The following STK38 variants were observed in gnomAD, a reference collection of about 807,000 sequenced individuals.
The protein encoded by STK38 is serine/threonine-protein kinase 38.
In STK38, 26 loss-of-function variants were observed where a neutral mutation model predicts 59.0. That is an observed-to-expected ratio of 0.44 (90% CI 0.32 to 0.61). The LOEUF (loss-of-function observed/expected upper bound fraction) is 0.61, where lower values mean the gene tolerates loss of function less well. Ranked by LOEUF, STK38 falls within the 20% of genes least tolerant of loss-of-function variation. The probability of loss-of-function intolerance (pLI) is 0.04; values close to 1 mark genes in which losing one functional copy is unlikely to be tolerated. For missense variants in STK38, 433 were observed against 566.0 expected (o/e 0.76, Z 2.38); for synonymous variants, 175 against 176.6 (o/e 0.99, Z 0.07).
chr6:36,527,455 A>C (rs890064382), intron 2 of STK38, among the ~76,000 whole-genome samples: 11 of 151,284 alleles, frequency 7.3e-5, no homozygotes, highest in African/African-American at 2.7e-4. Context: ...GGAGGGGCTG[A>C]GGCACAAGAA....
At chr6:36,543,192 G>T (rs1227714401) in intron 1 of STK38, among the ~76,000 whole-genome samples, 1 of 151,330 alleles carries the variant, frequency 6.6e-6, no homozygotes, top group African/African-American at 2.4e-5. Context: ...AGCCTCCCGA[G>T]TAGCTGGGAC....
intron 1 of STK38, among the ~76,000 whole-genome samples, chr6:36,540,986 C>T (rs940359844): frequency 1.3e-5 from 2 of 152,130 alleles, no homozygotes; most frequent in African/African-American, 4.8e-5. Flanking sequence ...GCAACCTACA[C>T]CTCCCAGGTT....
chr6:36,541,277 T>C (rs1582469388), intron 1 of STK38, among the ~76,000 whole-genome samples: 1 of 152,254 alleles, frequency 6.6e-6, no homozygotes, highest in East Asian at 1.9e-4. Context: ...CAATACCATA[T>C]AGATAAATTA....
chr6:36,515,398 AAT>A lies in STK38; in HGVS notation c.607_608del (p.Ile203SerfsTer27), dbSNP rs1349383153. ...IAETVLAIDSIHQLGFIHRDI... is the reference protein window; with the variant it reads ...IAETVLAIDSXHQLGFIHRDI... Reference sequence around the variant, plus strand: ...CTCTGTGGATGAATCCAAGTTGGTGAATAGAGTCTATGGCTAATACTGTTTCT... The same window carrying A: ...CTCTGTGGATGAATCCAAGTTGGTGAAGAGTCTATGGCTAATACTGTTTCT... On this transcript the variant is annotated frameshift_variant, in exon 7 of 14. Transcript: ENST00000229812. LOFTEE classifies it high-confidence loss of function. 6.2e-7 allele frequency: 1 copy of A among 1,613,944 alleles called. No individual in the cohort carries two copies. Among genetic ancestry groups the A allele is most frequent in the Non-Finnish European group, 8.5e-7 (1 of 1,180,010 alleles).
chr6:36,546,053 T>C (rs1467013518), intron 1 of STK38, among the ~76,000 whole-genome samples: 1 of 152,214 alleles, frequency 6.6e-6, no homozygotes, highest in African/African-American at 2.4e-5. Flanking sequence ...GATTCAACAT[T>C]GGAGCTAAGA....
rs777596187 is a variant in STK38, at chr6:36,524,446, T to C, written c.201A>G (p.Ser67=). ...LKDEEKRLRR[S]AHARKETEFL... is the part of the protein sequence containing the mutation. ...ACTCTGTTTCCTTCCGAGCATGTGC[T>C]GATCTCCGGAGTCGTTTCTAATATT... Residue 67 remains serine, a synonymous_variant, in exon 4 of 14, where the codon TCA becomes TCG. Coordinates refer to ENST00000229812, the MANE Select transcript of STK38 (RefSeq NM_007271.4). 9 of 1,604,604 alleles carry C rather than the reference T, an allele frequency of 5.6e-6. No homozygotes were observed. The highest frequency in any genetic ancestry group is 1.7e-4 in the Middle Eastern group (1 of 6,040).
chr6:36,509,865 G>A (rs368807500), intron 7 of STK38, among the ~76,000 whole-genome samples: 1 of 152,160 alleles, frequency 6.6e-6, no homozygotes, highest in African/African-American at 2.4e-5. Context: ...TAGCCCTTAG[G>A]AGACCCGGAG....
intron 2 of STK38, among the ~76,000 whole-genome samples, chr6:36,536,349 G>A (rs140191938): frequency 2.0e-5 from 3 of 152,102 alleles, no homozygotes; most frequent in East Asian, 1.9e-4. Flanking sequence ...ATGGAACATA[G>A]GAGAAAATCC....
intron 1 of STK38, among the ~76,000 whole-genome samples, chr6:36,540,955 G>C (rs964438525): frequency 2.6e-5 from 4 of 151,916 alleles, no homozygotes; most frequent in Non-Finnish European, 4.4e-5. Context: ...CTGGAGTGCA[G>C]TGGCGCGATC....
chr6:36,511,860 A>G (rs1213169798), intron 7 of STK38, among the ~76,000 whole-genome samples: 1 of 151,542 alleles, frequency 6.6e-6, no homozygotes, highest in East Asian at 2.0e-4. Context: ...GGAGTTCAAG[A>G]CCAGTCTGGC....
chr6:36,524,405 C>G lies in STK38; in HGVS notation c.242G>C (p.Arg81Thr). 1 of 1,613,558 alleles carries G rather than the reference C, an allele frequency of 6.2e-7. No individual in the cohort carries two copies. The highest frequency in any genetic ancestry group is 8.5e-7 in the Non-Finnish European group (1 of 1,179,826). The change falls in exon 4 of 14, where the codon AGA becomes ACA. Residue 81 changes from arginine (R) to threonine (T), a missense_variant. Coordinates refer to ENST00000229812, the MANE Select transcript of STK38 (RefSeq NM_007271.4). Reference sequence around the variant, plus strand: ...AAAATCTTCCAATCCAAGTCTTGTTCTCTTCAAACGAAGAAACTCTGTTTC... The same window carrying G: ...AAAATCTTCCAATCCAAGTCTTGTTGTCTTCAAACGAAGAAACTCTGTTTC... ...RKETEFLRLK[R>T]TRLGLEDFES...
chr6:36,530,098 G>A (rs568305571), intron 2 of STK38, among the ~76,000 whole-genome samples: 257 of 152,020 alleles, frequency 1.7e-3, no homozygotes, highest in African/African-American at 6.1e-3. Flanking sequence ...AAAATTAGCC[G>A]GGCGTGGTGG....
intron 3 of STK38, 49 bp downstream of exon 3, chr6:36,525,542 A>G: frequency 6.4e-7 from 1 of 1,567,818 alleles, no homozygotes; most frequent in African/African-American, 1.4e-5. Context: ...TGGACAAGAT[A>G]CAACCTGCCA....
intron 2 of STK38, among the ~76,000 whole-genome samples, chr6:36,529,611 G>A (rs1351732310): frequency 6.6e-6 from 1 of 152,154 alleles, no homozygotes; most frequent in Non-Finnish European, 1.5e-5. Context: ...CCATTTAGTT[G>A]CGTGTGTGTT....
At chr6:36,538,949 G>C (rs1777865093) in intron 2 of STK38, among the ~76,000 whole-genome samples, 1 of 150,740 alleles carries the variant, frequency 6.6e-6, no homozygotes, top group African/African-American at 2.4e-5. Flanking sequence ...TACAAGAATG[G>C]ATAGATGGAT....
chr6:36,499,869 T>G lies in STK38; in HGVS notation c.952+4A>C, dbSNP rs2127466747. On this transcript the variant is annotated splice_donor_region_variant and intron_variant, in intron 10 of 13. Transcript: ENST00000229812. ...AAAAAGTCCTCTGAAACCATGCAAC[T>G]TACCGATGAGCATCTCATACATGAT... is the stretch of plus-strand genomic sequence containing the variant. 1.2e-6 allele frequency: 2 copies of G among 1,612,740 alleles called. No homozygotes were observed. The highest frequency in any genetic ancestry group is 1.7e-6 in the Non-Finnish European group (2 of 1,178,834).
chr6:36,529,164 T>G (rs1056124376), intron 2 of STK38, among the ~76,000 whole-genome samples: 2 of 152,186 alleles, frequency 1.3e-5, no homozygotes, highest in African/African-American at 4.8e-5. Context: ...TTGGTTAGAT[T>G]CATGGTGGCA....
intron 2 of STK38, among the ~76,000 whole-genome samples, chr6:36,536,709 T>C (rs1185679993): frequency 6.6e-6 from 1 of 151,928 alleles, no homozygotes; most frequent in Admixed American, 6.6e-5. Context: ...GCTAATTCTG[T>C]ATTTTTAGTA....
At chr6:36,521,258 G>T (rs893150253) in intron 5 of STK38, among the ~76,000 whole-genome samples, 2 of 152,018 alleles carry the variant, frequency 1.3e-5, no homozygotes, top group Admixed American at 6.6e-5. Context: ...TTCAGGTACC[G>T]ATGAGCTACC....
Sources: gnomAD v4.1 joint callset for allele counts (sites outside exome capture counted in the v4.1 genomes callset) on GRCh38, gnomAD v4.1.1 for gene constraint, MANE v1.5 for transcripts, NCBI Gene and HGNC (gene_info 2026-07-23, HGNC 2026-07-21) for gene names.